The following FCRL2 variants were observed in gnomAD, a reference collection of about 807,000 sequenced individuals.
The protein encoded by FCRL2 is Fc receptor-like protein 2.
In FCRL2, 48 loss-of-function variants were observed where a neutral mutation model predicts 59.8. The observed-to-expected ratio is 0.80, with a 90% CI of 0.64 to 1.02. The LOEUF (loss-of-function observed/expected upper bound fraction) is 1.02. FCRL2 is among the 50% of genes least tolerant of loss of function. FCRL2 has a pLI of 0.00. For missense variants in FCRL2, 658 were observed against 597.3 expected, an observed-to-expected ratio of 1.10 and a Z score of -1.06; for synonymous variants, 251 against 229.5, an observed-to-expected ratio of 1.09 and a Z score of -0.85.
At chr1:157,747,200 GC>G (rs557970339) in intron 10 of FCRL2, among the ~76,000 whole-genome samples, 34 of 152,262 alleles carry the variant, frequency 2.2e-4, no homozygotes, top group African/African-American at 6.5e-4. Flanking sequence ...TTCTGTCAGG[GC>G]TGTTTCCTGT....
At chr1:157,767,665 A>G (rs1649623955) in intron 5 of FCRL2, 156 bp from the exon 6 acceptor site, 1 of 1,596,686 alleles carries the variant, frequency 6.3e-7, no homozygotes, top group East Asian at 2.2e-5. Context: ...TAATTTTCTC[A>G]ACAATATATT....
At chr1:157,755,583 T>C (rs1406577996) in intron 7 of FCRL2, among the ~76,000 whole-genome samples, 2 of 152,196 alleles carry the variant, frequency 1.3e-5, no homozygotes, top group South Asian at 4.1e-4. Context: ...TAGCATTGTG[T>C]GTCATGGAAA....
rs768699191 is a variant in FCRL2 at position 157,766,754 on chromosome 1, T to C, written c.1279+101A>G. ...AGCATAAAAAGAAATTATTGGCTTT[T>C]GGAGAGTTTTCTTTTCTCTCTTCTT... On this transcript the variant is annotated intron_variant, in intron 7 of 11. Coordinates refer to ENST00000361516, the MANE Select transcript of FCRL2 (RefSeq NM_030764.4). 1.7e-5 allele frequency: 26 copies of C among 1,559,220 alleles called. No individual in the cohort carries two copies. In the South Asian group the frequency reaches 3.2e-4, roughly 19 times the overall value.
chr1:157,752,217 G>A (rs1451607634), intron 7 of FCRL2, among the ~76,000 whole-genome samples: 1 of 152,204 alleles, frequency 6.6e-6, no homozygotes, highest in Non-Finnish European at 1.5e-5. Flanking sequence ...CACATGTTGT[G>A]GGAGGTACCC....
chr1:157,775,566 G>A (rs555122160), intron 2 of FCRL2, among the ~76,000 whole-genome samples: 2 of 152,342 alleles, frequency 1.3e-5, no homozygotes, highest in South Asian at 4.1e-4. Context: ...CAAGCATGTG[G>A]GGTCTTGAGA....
At chr1:157,774,536 A>G (rs575637160) in intron 2 of FCRL2, 20 of 451,666 alleles carry the variant, frequency 4.4e-5, no homozygotes, top group South Asian at 3.0e-4. Flanking sequence ...AAGAAAGAGA[A>G]TGAAGTGGCT....
chr1:157,766,821 G>A (rs370612688), intron 7 of FCRL2, 34 bp downstream of exon 7: 52 of 1,613,602 alleles, frequency 3.2e-5, no homozygotes, highest in Non-Finnish European at 4.2e-5. Flanking sequence ...AAAGGTCATA[G>A]CAAAATATGG....
chr1:157,762,034 G>A (rs764387482), intron 7 of FCRL2, among the ~76,000 whole-genome samples: 1 of 152,192 alleles, frequency 6.6e-6, no homozygotes, highest in Non-Finnish European at 1.5e-5. Context: ...GAGAGGATCA[G>A]GGAGCATGAG....
chr1:157,770,292 A>G, intron 3 of FCRL2, 117 bp downstream of exon 3: 1 of 1,451,578 alleles, frequency 6.9e-7, no homozygotes, highest in South Asian at 1.3e-5. Context: ...TGATGATCAA[A>G]CCACAAGCAC....
At chr1:157,774,426 C>T (rs1650256761) in intron 2 of FCRL2, 1 of 456,438 alleles carries the variant, frequency 2.2e-6, no homozygotes. Flanking sequence ...CTTTCCAGTA[C>T]ATCATGCTGA....
chr1:157,777,095 GAA>G lies in FCRL2; in HGVS notation c.-24_-23del, dbSNP rs751370092. On this transcript the variant is annotated 5_prime_UTR_variant, in exon 1 of 12. Coordinates refer to ENST00000361516, the MANE Select transcript of FCRL2 (RefSeq NM_030764.4). ...GCATGAGGACCTAATCCAGCTATTTGAAAAGAGATGTACTCTTGGTCACCAAC... is the reference window on the plus strand; with the variant it reads ...GCATGAGGACCTAATCCAGCTATTTGAAGAGATGTACTCTTGGTCACCAAC... 3.7e-6 allele frequency: 6 copies of G among 1,614,030 alleles called. No individual in the cohort carries two copies.
rs1331770392 is a variant in FCRL2 at position 157,760,774 on chromosome 1, A to AAAGGAAGGAAGGAAGGAGGG, written c.1279+6061_1279+6080dup. ...AAGAAAGAAGAAAGAATGAAAAAAG[A>AAAGGAAGGAAGGAAGGAGGG]AAGGAAGGAAGGAAGGAGGGAAGGA... On this transcript the variant is annotated intron_variant, in intron 7 of 11. Transcript: ENST00000361516. Among the ~76,000 whole-genome samples the AAAGGAAGGAAGGAAGGAGGG allele has an allele frequency of 4.2e-4, 61 of 145,692 alleles. 1 individual carries two copies. The highest frequency in any genetic ancestry group is 4.2e-4 in the South Asian group (2 of 4,764).
chr1:157,770,757 C>G, intron 2 of FCRL2, 91 bp from the exon 3 acceptor site: 1 of 1,383,784 alleles, frequency 7.2e-7, no homozygotes, highest in Non-Finnish European at 9.9e-7. Context: ...GGCATAGCCT[C>G]TACTTCTTTA....
chr1:157,762,270 T>C (rs1649156300), intron 7 of FCRL2, among the ~76,000 whole-genome samples: 1 of 152,140 alleles, frequency 6.6e-6, no homozygotes, highest in Non-Finnish European at 1.5e-5. Flanking sequence ...TCACAGCCAC[T>C]ACCAACACCA....
chr1:157,748,955 G>T lies in FCRL2; in HGVS notation c.1313C>A (p.Ala438Asp), dbSNP rs1224812112. ...GAACTCTTGAGGATTTGGCCTGGAA[G>T]CCCCTCTGTGAGAAAGTGAATTAAT... ...ESSATNEPRG[A>D]SRPNPQEFTY... is the part of the protein sequence containing the mutation. The change falls in exon 9 of 12, where the codon GCT (alanine) becomes GAT (aspartate). Residue 438 changes from alanine to aspartate, a missense_variant. Physicochemically the swap from Ala to Asp is moderately radical, Grantham distance 126. Transcript: ENST00000361516. The T allele has an allele frequency of 4.3e-6, 7 of 1,613,528 alleles. No individual in the cohort carries two copies. The highest frequency in any genetic ancestry group is 1.3e-5 in the African/African-American group (1 of 74,906).
At position 157,768,634 on chromosome 1, in the gene FCRL2, T is replaced by C. The variant is rs773062549; in HGVS notation, c.663A>G (p.Lys221=). The change falls in exon 5 of 12, where the codon AAA becomes AAG. Residue 221 remains lysine (K), a synonymous_variant. Transcript: ENST00000361516. ...APGGQVTEGQ[K]LILLCSVAGG... is the part of the protein sequence containing the mutation. ...CAGCCACTGAGCAGAGCAGGATCAG[T>C]TTTTGTCCTTCAGTCACCTGTCCCC... 3 of 1,614,068 alleles carry C rather than the reference T, an allele frequency of 1.9e-6. No homozygotes were observed. Among genetic ancestry groups the C allele is most frequent in the Non-Finnish European group, 2.5e-6 (3 of 1,179,996 alleles).
At chr1:157,752,047 T>C (rs1648231947) in intron 7 of FCRL2, among the ~76,000 whole-genome samples, 1 of 152,242 alleles carries the variant, frequency 6.6e-6, no homozygotes, top group South Asian at 2.1e-4. Context: ...GGGTCTGAGC[T>C]GAGTGGGTGG....
chr1:157,762,154 C>T (rs2101714465), intron 7 of FCRL2, among the ~76,000 whole-genome samples: 1 of 152,306 alleles, frequency 6.6e-6, no homozygotes, highest in East Asian at 1.9e-4. Flanking sequence ...CCTAACACTC[C>T]TCCAGGGGAC....
At chr1:157,775,509 A>G (rs1298911883) in intron 2 of FCRL2, among the ~76,000 whole-genome samples, 1 of 152,224 alleles carries the variant, frequency 6.6e-6, no homozygotes, top group South Asian at 2.1e-4. Flanking sequence ...CTTTTCTTCA[A>G]TCTGCATGTT....
Sources: allele counts gnomAD v4.1 joint callset (sites outside exome capture counted in the v4.1 genomes callset), GRCh38; gene constraint gnomAD v4.1.1; transcripts MANE v1.5; gene names NCBI Gene and HGNC (gene_info 2026-07-23, HGNC 2026-07-21).